The following ZNF732 variants were observed in gnomAD, a reference collection of about 807,000 sequenced individuals.
The protein encoded by ZNF732 is zinc finger protein 732, also known as zinc finger protein LOC654254.
In ZNF732, 12 loss-of-function variants were observed where a neutral mutation model predicts 11.5. That is an observed-to-expected ratio of 1.05 (90% CI 0.67 to 1.70). The LOEUF is 1.70. ZNF732 is among the 40% of genes most tolerant of loss of function. The pLI is 0.00. For missense variants in ZNF732, 702 were observed against 676.9 expected (o/e 1.04, Z -0.41); for synonymous variants, 231 against 236.5 (o/e 0.98, Z 0.21).
rs548903305 is a variant in ZNF732 at position 284,725 on chromosome 4, G to A, written c.226+10713C>T. ...GTCTCTACTAAAAATACAAAAATTC[G>A]CCGGGCGTGGTGGCGGGCACTTGTA... On this transcript the variant is annotated intron_variant, in intron 3 of 3. Coordinates refer to ENST00000419098, the MANE Select transcript of ZNF732 (RefSeq NM_001137608.3). Among the ~76,000 whole-genome samples the A allele has an allele frequency of 3.3e-5, 5 of 151,510 alleles. No individual in the cohort carries two copies. In the East Asian group the frequency reaches 5.9e-4, roughly 18 times the overall value.
At chr4:281,340 G>A (rs1252541243) in intron 3 of ZNF732, among the ~76,000 whole-genome samples, 6 of 152,334 alleles carry the variant, frequency 3.9e-5, no homozygotes, top group African/African-American at 1.4e-4. Flanking sequence ...CCTCTCAGCT[G>A]TGATCAAGGG....
intron 1 of ZNF732, 81 bp from the exon 2 acceptor site, chr4:296,236 G>A: frequency 6.5e-7 from 1 of 1,533,164 alleles, no homozygotes; most frequent in Non-Finnish European, 8.8e-7. Context: ...GTTCTGACAT[G>A]TGACTGACTG....
chr4:304,203 A>G (rs1190104519), intron 1 of ZNF732, among the ~76,000 whole-genome samples: 11 of 152,234 alleles, frequency 7.2e-5, no homozygotes, highest in African/African-American at 2.6e-4. Flanking sequence ...GCGAATGGCC[A>G]GTGAGCGTCC....
chr4:271,946 T>G lies in ZNF732; in HGVS notation c.911A>C (p.Lys304Thr). The change falls in exon 4 of 4, where the codon AAA (lysine) becomes ACA (threonine). Residue 304 changes from lysine to threonine, a missense_variant. This residue lies in a region of ZNF732 where 596 missense variants were observed against 557.9 expected (regional missense o/e 1.07). Transcript: ENST00000419098. ...AKHKKIHTGEKLYKCQECGKV... is the reference protein window; with the variant it reads ...AKHKKIHTGETLYKCQECGKV... Reference sequence around the variant, plus strand: ...GCCACATTCCTGACATTTGTAGAGTTTCTCTCCGGTATGAATTTTCTTATG... The same window carrying G: ...GCCACATTCCTGACATTTGTAGAGTGTCTCTCCGGTATGAATTTTCTTATG... 2 of 1,608,276 alleles carry G rather than the reference T, an allele frequency of 1.2e-6. No individual in the cohort carries two copies. Among genetic ancestry groups the G allele is most frequent in the Non-Finnish European group, 1.7e-6 (2 of 1,176,910 alleles).
At chr4:283,791 T>C (rs1318786569) in intron 3 of ZNF732, among the ~76,000 whole-genome samples, 2 of 152,100 alleles carry the variant, frequency 1.3e-5, no homozygotes, top group Non-Finnish European at 2.9e-5. Context: ...AAAGAATAAT[T>C]TATATTCTTC....
At chr4:292,217 A>G (rs1346585299) in intron 3 of ZNF732, among the ~76,000 whole-genome samples, 2 of 152,218 alleles carry the variant, frequency 1.3e-5, no homozygotes, top group African/African-American at 4.8e-5. Context: ...GATTGTATCA[A>G]AGTAAACTGC....
chr4:288,900 C>T (rs1394215355), intron 3 of ZNF732, among the ~76,000 whole-genome samples: 3 of 152,182 alleles, frequency 2.0e-5, no homozygotes, highest in African/African-American at 7.2e-5. Flanking sequence ...AAACCCAAAA[C>T]ATCCATGTTA....
At chr4:299,386 C>T (rs552245603) in intron 1 of ZNF732, among the ~76,000 whole-genome samples, 6 of 88,442 alleles carry the variant, frequency 6.8e-5, no homozygotes, top group African/African-American at 1.5e-4. Context: ...TATATATACA[C>T]ATATGTACAC....
Position 272,208 on chromosome 4 carries a change from G to A in ZNF732, c.649C>T (p.His217Tyr), listed in dbSNP as rs782091181. ...CATGTGAAGGGTTTCTCTCCAGTAT[G>A]AATTATCTCATATTCATTAAAGATT... ...YLIFNEYEII[H>Y]TGEKPFTCEE... is the part of the protein sequence containing the mutation. The change falls in exon 4 of 4, where the codon CAT becomes TAT. Residue 217 changes from histidine (H) to tyrosine (Y), a missense_variant. Physicochemically the swap from His to Tyr is moderately conservative, Grantham distance 83. Transcript: ENST00000419098. The A allele has an allele frequency of 1.9e-6, 3 of 1,612,816 alleles. No individual in the cohort carries two copies.
In ZNF732 at chr4:295,524, A is replaced by G. The variant is rs1553842132; in HGVS notation, c.140T>C (p.Ile47Thr). Residue 47 changes from isoleucine to threonine, a missense_variant, in exon 3 of 4, where the codon ATC becomes ACC. Physicochemically the swap from Ile to Thr is moderately conservative, Grantham distance 89 (BLOSUM62 -1). Transcript: ENST00000419098. ...ATAGATGACCAGGTCTGGGTTAGAG[A>G]TAGCAACACCTGTTTATTTTAAAAA... ...YRNLISLGVA[I>T]SNPDLVIYLE... The G allele has an allele frequency of 2.5e-6, 4 of 1,612,052 alleles. No homozygotes were observed. The highest frequency in any genetic ancestry group is 3.4e-6 in the Non-Finnish European group (4 of 1,178,956).
rs1560165023 is a variant in ZNF732 at position 299,386 on chromosome 4, CATATGTACACATATGTGTATAT to C, written c.4-3253_4-3232del. Among the ~76,000 whole-genome samples, 180 of 88,458 alleles carry C rather than the reference CATATGTACACATATGTGTATAT, an allele frequency of 2.0e-3. 8 individuals carry two copies. Among genetic ancestry groups the C allele is most frequent in the Non-Finnish European group, 3.2e-3 (139 of 43,020 alleles). The allele number at this position is 88,458 out of a possible 152,430, so 58.0% of individuals were successfully genotyped here. On this transcript the variant is annotated intron_variant, in intron 1 of 3. Transcript: ENST00000419098. Reference sequence around the variant, plus strand: ...ACACATATGTGTATATATATATACACATATGTACACATATGTGTATATATATATACACATATATACACATATG... The same window carrying C: ...ACACATATGTGTATATATATATACACATATATACACATATATACACATATG...
intron 1 of ZNF732, among the ~76,000 whole-genome samples, chr4:298,400 C>A (rs113056980): frequency 6.6e-6 from 1 of 150,590 alleles, no homozygotes; most frequent in Non-Finnish European, 1.5e-5. Context: ...TTTGAGTCTC[C>A]GGATCTCACT....
chr4:298,539 G>A (rs189633801), intron 1 of ZNF732, among the ~76,000 whole-genome samples: 15 of 152,250 alleles, frequency 9.9e-5, no homozygotes, highest in African/African-American at 3.4e-4. Context: ...AGCAGAATTA[G>A]ACCTTGCTGT....
At chr4:300,974 G>C (rs1311646211) in intron 1 of ZNF732, among the ~76,000 whole-genome samples, 1 of 152,098 alleles carries the variant, frequency 6.6e-6, no homozygotes, top group African/African-American at 2.4e-5. Context: ...CTACTCATCT[G>C]ACAAAGAGCT....
intron 1 of ZNF732, among the ~76,000 whole-genome samples, chr4:301,651 A>G (rs778576622): frequency 6.6e-6 from 1 of 152,118 alleles, no homozygotes; most frequent in South Asian, 2.1e-4. Flanking sequence ...TCTCATTCAT[A>G]GGTGGGAGTT....
chr4:300,087 G>T (rs1212545258), intron 1 of ZNF732, among the ~76,000 whole-genome samples: 1 of 151,852 alleles, frequency 6.6e-6, no homozygotes, highest in African/African-American at 2.4e-5. Flanking sequence ...GCTTATAGAA[G>T]TAAGTGGTTA....
intron 1 of ZNF732, among the ~76,000 whole-genome samples, chr4:302,004 A>T (rs1720127637): frequency 6.6e-6 from 1 of 152,198 alleles, no homozygotes; most frequent in African/African-American, 2.4e-5. Context: ...CACACTGACG[A>T]AGGAGGAATA....
chr4:286,890 C>A (rs1487243562), intron 3 of ZNF732, among the ~76,000 whole-genome samples: 2 of 152,170 alleles, frequency 1.3e-5, no homozygotes, highest in East Asian at 3.9e-4. Context: ...CTGTGGTTCA[C>A]GCCTGTAATC....
chr4:278,979 G>A (rs1719558286), intron 3 of ZNF732, among the ~76,000 whole-genome samples: 1 of 152,154 alleles, frequency 6.6e-6, no homozygotes, highest in Non-Finnish European at 1.5e-5. Flanking sequence ...TGTATCATTT[G>A]CTTATATATC....
Sources: allele counts gnomAD v4.1 joint callset (sites outside exome capture counted in the v4.1 genomes callset), GRCh38; gene constraint gnomAD v4.1.1; regional missense constraint gnomAD v4.1.1; transcripts MANE v1.5; gene names NCBI Gene and HGNC (gene_info 2026-07-23, HGNC 2026-07-21).